LRRC51: variants seen among roughly 807,000 people sequenced by gnomAD.
LRRC51 encodes the protein leucine-rich repeat-containing protein 51.
Under a neutral mutation model 17.8 loss-of-function variants are expected in LRRC51, and 8 were observed. The observed-to-expected ratio is 0.45, with a 90% CI of 0.26 to 0.81. The LOEUF (loss-of-function observed/expected upper bound fraction) is 0.81. Ranked by LOEUF, LRRC51 falls within the 30% of genes least tolerant of loss-of-function variation. LRRC51 has a pLI of 0.17. For synonymous variants in LRRC51, 92 were observed against 96.0 expected (o/e 0.96, Z 0.24); for missense variants, 233 against 239.3 (o/e 0.97, Z 0.17).
At chr11:72,084,836 CAA>C (rs386374128) in intron 1 of LRRC51, among the ~76,000 whole-genome samples, 10 of 101,690 alleles carry the variant, frequency 9.8e-5, no homozygotes, top group Admixed American at 1.2e-4. Flanking sequence ...GACCTTGTCT[CAA>C]AAAAAAAAAA....
chr11:72,092,543 G>C (rs187838375), intron 3 of LRRC51, among the ~76,000 whole-genome samples: 1 of 152,300 alleles, frequency 6.6e-6, no homozygotes, highest in East Asian at 1.9e-4. Context: ...TAAAAGATTT[G>C]AATCATTTGC....
In LRRC51 at chr11:72,096,852, C is replaced by G. The variant is rs554182069; in HGVS notation, c.*1332C>G. On this transcript the variant is annotated 3_prime_UTR_variant, in exon 6 of 6. Coordinates refer to ENST00000289488, the MANE Select transcript of LRRC51 (RefSeq NM_145309.6). ...CCATTCTGTTTTATATGCTGGGATT[C>G]TGCTTAAGATTTCATTTGATAAAAA... 4.7e-6 allele frequency: 6 copies of G among 1,268,242 alleles called. No homozygotes were observed. In the African/African-American group the frequency reaches 7.7e-5, roughly 16 times the overall value. The allele number at this position is 1,268,242 out of a possible 1,614,324, so 78.6% of individuals were successfully genotyped here.
chr11:72,093,779 A>G, intron 4 of LRRC51, 78 bp downstream of exon 4: 2 of 1,319,048 alleles, frequency 1.5e-6, no homozygotes, highest in Non-Finnish European at 2.2e-6. Context: ...CCACTCCTAC[A>G]TGTTATCAAG....
At chr11:72,093,305 G>A (rs1944971748) in intron 3 of LRRC51, among the ~76,000 whole-genome samples, 191 bp from the exon 4 acceptor site, 1 of 152,188 alleles carries the variant, frequency 6.6e-6, no homozygotes, top group East Asian at 1.9e-4. Context: ...AGAAGTCTCT[G>A]GCCCTTAGTC....
At chr11:72,081,244 A>G (rs1246095810) in intron 1 of LRRC51, among the ~76,000 whole-genome samples, 1 of 152,138 alleles carries the variant, frequency 6.6e-6, no homozygotes, top group African/African-American at 2.4e-5. Context: ...AACATGGCGA[A>G]CCCTGTCTCT....
In LRRC51 at chr11:72,095,594, T is replaced by C. The variant is rs764593930; in HGVS notation, c.*74T>C. ...GTTTGACAATAAATAATTTGAGCTG[T>C]TGAGCAGATGAGAAGTCACTTACAC... On this transcript the variant is annotated 3_prime_UTR_variant, in exon 6 of 6. Transcript: ENST00000289488. The C allele has an allele frequency of 5.4e-5, 85 of 1,569,272 alleles. No homozygotes were observed. The highest frequency in any genetic ancestry group is 7.3e-5 in the Non-Finnish European group (85 of 1,156,538).
At position 72,095,282 on chromosome 11, in the gene LRRC51, C is replaced by T; in HGVS notation, c.438-97C>T. The T allele has an allele frequency of 1.9e-6, 3 of 1,608,234 alleles. No homozygotes were observed. In the South Asian group the frequency reaches 3.3e-5, roughly 18 times the overall value. Reference sequence around the variant, plus strand: ...TCTTTCCCAAACTATGCTCAAGTCCCTCCATTCCTTGCAGTCAGGGAAGAC... The same window carrying T: ...TCTTTCCCAAACTATGCTCAAGTCCTTCCATTCCTTGCAGTCAGGGAAGAC... On this transcript the variant is annotated intron_variant, in intron 5 of 5. Transcript: ENST00000289488.
intron 1 of LRRC51, among the ~76,000 whole-genome samples, chr11:72,087,646 A>G (rs1181832555): frequency 2.6e-5 from 4 of 152,150 alleles, no homozygotes; most frequent in African/African-American, 4.8e-5. Flanking sequence ...TTTCTCTTCC[A>G]TTTTTAACTT....
At chr11:72,086,483 C>T (rs1373735848) in intron 1 of LRRC51, 1 of 701,466 alleles carries the variant, frequency 1.4e-6, no homozygotes. Context: ...TTAGCATCAA[C>T]TCTTCTGAAA....
At chr11:72,090,611 T>A (rs968939454) in intron 3 of LRRC51, among the ~76,000 whole-genome samples, 1 of 152,154 alleles carries the variant, frequency 6.6e-6, no homozygotes, top group Non-Finnish European at 1.5e-5. Context: ...GAAACACTTA[T>A]TTACAGCTGG....
In LRRC51 at chr11:72,093,640, A is replaced by G. The variant is rs373352944; in HGVS notation, c.227A>G (p.Glu76Gly). The G allele has an allele frequency of 2.5e-6, 4 of 1,614,114 alleles. No homozygotes were observed. Among genetic ancestry groups the G allele is most frequent in the Non-Finnish European group, 2.5e-6 (3 of 1,180,046 alleles). Residue 76 changes from glutamate to glycine, a missense_variant, in exon 4 of 6, where the codon GAG (glutamate) becomes GGG (glycine). Glu to Gly is a moderately conservative substitution (Grantham distance 98). Transcript: ENST00000289488. ...DFNQVASQLL[E>G]HPENLAWIDL... Reference sequence around the variant, plus strand: ...AACCAGGTGGCTTCACAGCTGTTGGAGCACCCAGAGAACCTGGCCTGGATC... The same window carrying G: ...AACCAGGTGGCTTCACAGCTGTTGGGGCACCCAGAGAACCTGGCCTGGATC...
At chr11:72,095,135 TC>T (rs34448872) in intron 5 of LRRC51, 39 bp downstream of exon 5, 2 of 1,608,394 alleles carry the variant, frequency 1.2e-6, no homozygotes, top group South Asian at 1.1e-5. Context: ...CTAGCTGGGC[TC>T]CCCTAAAGGA....
At chr11:72,092,962 CA>C (rs1944948480) in intron 3 of LRRC51, among the ~76,000 whole-genome samples, 2 of 152,336 alleles carry the variant, frequency 1.3e-5, no homozygotes, top group South Asian at 4.1e-4. Flanking sequence ...CTCCAAGGCA[CA>C]AATGTCTGCT....
chr11:72,082,305 G>A (rs1944274522), intron 1 of LRRC51, among the ~76,000 whole-genome samples: 1 of 152,154 alleles, frequency 6.6e-6, no homozygotes, highest in South Asian at 2.1e-4. Flanking sequence ...GTGACTAGCT[G>A]GCCCTGACTG....
At position 72,095,020 on chromosome 11, in the gene LRRC51, AATAAGCTGGC is replaced by A. The variant is rs772196735; in HGVS notation, c.362_371del (p.Asn121MetfsTer9). The stretch of plus-strand genomic sequence containing the variant: ...CAGCATCCAGCGCCTGGGGGAGGTG[AATAAGCTGGC>A]TGTCCTTCCTCGGCTCCGTAGCCTG... On this transcript the variant is annotated frameshift_variant, in exon 5 of 6. Transcript: ENST00000289488. LOFTEE classifies it high-confidence loss of function. The A allele has an allele frequency of 9.9e-6, 16 of 1,614,002 alleles. No homozygotes were observed. In the South Asian group the frequency reaches 1.6e-4, roughly 17 times the overall value.
intron 1 of LRRC51, among the ~76,000 whole-genome samples, chr11:72,087,754 G>T (rs576373536): frequency 2.6e-5 from 4 of 152,242 alleles, no homozygotes; most frequent in South Asian, 4.1e-4. Context: ...AAATATCTCA[G>T]TAAGTTTTAA....
Position 72,096,887 on chromosome 11 carries a change from G to A in LRRC51, c.*1367G>A, listed in dbSNP as rs572500708. 9.5e-6 allele frequency: 12 copies of A among 1,268,932 alleles called. No individual in the cohort carries two copies. The highest frequency in any genetic ancestry group is 4.0e-4 in the Middle Eastern group (2 of 4,940). 78.6% of individuals were successfully genotyped at this position (1,268,932 alleles called of 1,614,324 possible). A position where few individuals can be genotyped will look rare whatever the true frequency, so the allele number is the denominator to read the frequency against. On this transcript the variant is annotated 3_prime_UTR_variant, in exon 6 of 6. Coordinates refer to ENST00000289488, the MANE Select transcript of LRRC51 (RefSeq NM_145309.6). ...TTTCATTTGATAAAAAGAATCTTCT[G>A]CTTAAAAACATTTGCTTGCTGACTC...
Position 72,093,658 on chromosome 11 carries a change from C to G in LRRC51, c.245C>G (p.Ala82Gly), listed in dbSNP as rs1329135050. Reference sequence around the variant, plus strand: ...CTGTTGGAGCACCCAGAGAACCTGGCCTGGATCGACCTGTCCTTTAATGAC... The same window carrying G: ...CTGTTGGAGCACCCAGAGAACCTGGGCTGGATCGACCTGTCCTTTAATGAC... Reference protein sequence around the residue: ...SQLLEHPENLAWIDLSFNDLT... With the variant: ...SQLLEHPENLGWIDLSFNDLT... Residue 82 changes from alanine to glycine, a missense_variant, in exon 4 of 6, where the codon GCC becomes GGC. By Grantham distance (60) the Ala-to-Gly change is moderately conservative. Coordinates refer to ENST00000289488, the MANE Select transcript of LRRC51 (RefSeq NM_145309.6). The G allele has an allele frequency of 6.2e-7, 1 of 1,614,128 alleles. No individual in the cohort carries two copies. Among genetic ancestry groups the G allele is most frequent in the South Asian group, 1.1e-5 (1 of 91,086 alleles).
At chr11:72,090,628 G>C in intron 3 of LRRC51, among the ~76,000 whole-genome samples, 1 of 152,162 alleles carries the variant, frequency 6.6e-6, no homozygotes, top group East Asian at 1.9e-4. Context: ...CTGGGGTTAA[G>C]GGATACAATA....
Sources: gnomAD v4.1 joint callset for allele counts (sites outside exome capture counted in the v4.1 genomes callset) on GRCh38, gnomAD v4.1.1 for gene constraint, MANE v1.5 for transcripts, NCBI Gene and HGNC (gene_info 2026-07-23, HGNC 2026-07-21) for gene names.